The following ANKIB1 variants were observed in gnomAD, a reference collection of about 807,000 sequenced individuals.
ANKIB1 encodes the protein ankyrin repeat and IBR domain containing 1, also known as ankyrin repeat and IBR domain-containing protein 1.
In ANKIB1, 43 loss-of-function variants were observed where a neutral mutation model predicts 122.1. That is an observed-to-expected ratio of 0.35 (90% CI 0.28 to 0.45). ANKIB1 has a LOEUF of 0.45. ANKIB1 is among the 20% of genes least tolerant of loss of function. The probability of loss-of-function intolerance (pLI) is 1.00; values close to 1 mark genes in which losing one functional copy is unlikely to be tolerated. For synonymous variants in ANKIB1, 390 were observed against 442.0 expected, an observed-to-expected ratio of 0.88 and a Z score of 1.48; for missense variants, 992 against 1,329.5, an observed-to-expected ratio of 0.75 and a Z score of 3.95.
intron 1 of ANKIB1, among the ~76,000 whole-genome samples, chr7:92,254,108 A>G (rs1004428630): frequency 4.6e-5 from 7 of 152,156 alleles, no homozygotes; most frequent in African/African-American, 1.4e-4. Context: ...GCAAGCACCA[A>G]CCGGCAGATA....
chr7:92,327,666 A>T (rs1038391081), intron 4 of ANKIB1, 117 bp from the exon 5 acceptor site: 9 of 469,634 alleles, frequency 1.9e-5, no homozygotes, highest in Non-Finnish European at 3.3e-5. Context: ...CAGTTGATCC[A>T]ATCCGTGGAA....
In ANKIB1 at chr7:92,399,988, G is replaced by A. The variant is rs12740; in HGVS notation, c.*1039G>A. On this transcript the variant is annotated 3_prime_UTR_variant, in exon 20 of 20. Transcript: ENST00000265742. Reference sequence around the variant, plus strand: ...AATCCCACGATTATTAAGAAATTCAGTAAAACATCCTGCGCAACATGTTAC... The same window carrying A: ...AATCCCACGATTATTAAGAAATTCAATAAAACATCCTGCGCAACATGTTAC... 101,938 of 152,020 alleles carry A rather than the reference G, an allele frequency of 0.67. 34,375 individuals are homozygous for A. Among genetic ancestry groups the A allele is most frequent in the East Asian group, 0.82 (4,253 of 5,176 alleles). The allele number at this position is 152,020 out of a possible 1,614,324, so 9.4% of individuals were successfully genotyped here.
chr7:92,394,032 C>G (rs893548993), intron 17 of ANKIB1, among the ~76,000 whole-genome samples: 7 of 152,018 alleles, frequency 4.6e-5, no homozygotes, highest in African/African-American at 1.7e-4. Context: ...TTGTTTTATG[C>G]TACTTTAAAG....
At chr7:92,383,584 A>G (rs1804567696) in intron 11 of ANKIB1, among the ~76,000 whole-genome samples, 1 of 152,226 alleles carries the variant, frequency 6.6e-6, no homozygotes, top group Non-Finnish European at 1.5e-5. Context: ...GACTGGTTCA[A>G]CATACACAAA....
At chr7:92,368,833 TTATTCCC>T (rs1246690883) in intron 10 of ANKIB1, among the ~76,000 whole-genome samples, 2 of 152,226 alleles carry the variant, frequency 1.3e-5, no homozygotes, top group Non-Finnish European at 2.9e-5. Flanking sequence ...TAATAGTTGG[TTATTCCC>T]TGAACATGAT....
intron 1 of ANKIB1, among the ~76,000 whole-genome samples, chr7:92,268,192 A>G (rs1051279728): frequency 2.0e-5 from 3 of 152,192 alleles, no homozygotes; most frequent in Non-Finnish European, 2.9e-5. Context: ...TGAAAAACCT[A>G]TTCTTTCTCC....
At chr7:92,355,351 T>C (rs1376951296) in intron 9 of ANKIB1, among the ~76,000 whole-genome samples, 1 of 151,400 alleles carries the variant, frequency 6.6e-6, no homozygotes, top group Non-Finnish European at 1.5e-5. Flanking sequence ...AGACAACTCT[T>C]CACAGATTTG....
At chr7:92,270,354 C>T (rs1028788776) in intron 1 of ANKIB1, among the ~76,000 whole-genome samples, 1 of 152,122 alleles carries the variant, frequency 6.6e-6, no homozygotes, top group Non-Finnish European at 1.5e-5. Context: ...TGAGCCACTA[C>T]ACCTGGCCTC....
chr7:92,267,379 A>G (rs533568146), intron 1 of ANKIB1, among the ~76,000 whole-genome samples: 5 of 152,292 alleles, frequency 3.3e-5, no homozygotes, highest in African/African-American at 1.2e-4. Flanking sequence ...TCCCTCATCC[A>G]TCCAGTAAAA....
chr7:92,263,505 A>G (rs1801605509), intron 1 of ANKIB1, among the ~76,000 whole-genome samples: 1 of 152,198 alleles, frequency 6.6e-6, no homozygotes, highest in Admixed American at 6.5e-5. Flanking sequence ...GTTCTGAACC[A>G]TGTGAGTAGC....
In ANKIB1 at chr7:92,351,432, G is replaced by A. The variant is rs139063706; in HGVS notation, c.1230+338G>A. 2.7e-3 allele frequency among the ~76,000 whole-genome samples: 407 copies of A among 152,168 alleles called. 3 individuals are homozygous for A. The highest frequency in any genetic ancestry group is 9.4e-3 in the African/African-American group (392 of 41,538). On this transcript the variant is annotated intron_variant, in intron 8 of 19. Coordinates refer to ENST00000265742, the MANE Select transcript of ANKIB1 (RefSeq NM_019004.2). ...TCAAATTAGATTTTACCTACTTTAAGTTTTCCAAAAGACATTATCTTTCAT... is the reference window on the plus strand; with the variant it reads ...TCAAATTAGATTTTACCTACTTTAAATTTTCCAAAAGACATTATCTTTCAT...
At chr7:92,275,653 G>C (rs73407600) in intron 1 of ANKIB1, among the ~76,000 whole-genome samples, 2 of 152,112 alleles carry the variant, frequency 1.3e-5, no homozygotes, top group Non-Finnish European at 2.9e-5. Flanking sequence ...AGAACTGGGG[G>C]TGATGCACCA....
chr7:92,356,467 A>C (rs949665177), intron 9 of ANKIB1, among the ~76,000 whole-genome samples: 2 of 152,238 alleles, frequency 1.3e-5, no homozygotes, highest in South Asian at 4.1e-4. Flanking sequence ...TTGGCAGTTC[A>C]ATCATAAGAC....
At chr7:92,306,252 G>A (rs1252185429) in intron 2 of ANKIB1, among the ~76,000 whole-genome samples, 2 of 152,056 alleles carry the variant, frequency 1.3e-5, no homozygotes, top group African/African-American at 4.8e-5. Flanking sequence ...ACTACTCTAG[G>A]TGTTGGCAGC....
At chr7:92,389,338 T>C (rs1804734095) in intron 14 of ANKIB1, among the ~76,000 whole-genome samples, 3 of 151,910 alleles carry the variant, frequency 2.0e-5, no homozygotes, top group African/African-American at 7.3e-5. Flanking sequence ...TTTCTGGTTT[T>C]GTTTTTTTTT....
intron 4 of ANKIB1, among the ~76,000 whole-genome samples, chr7:92,325,751 A>G (rs1208855100): frequency 6.6e-6 from 1 of 152,136 alleles, no homozygotes; most frequent in African/African-American, 2.4e-5. Flanking sequence ...AGCCTTTCTG[A>G]AATAATTTTT....
intron 1 of ANKIB1, among the ~76,000 whole-genome samples, chr7:92,249,588 C>T (rs1288168331): frequency 6.6e-6 from 1 of 152,078 alleles, no homozygotes; most frequent in Non-Finnish European, 1.5e-5. Flanking sequence ...GGTGTGGTGG[C>T]ACGCCCCTGT....
chr7:92,342,925 G>T, intron 5 of ANKIB1, 99 bp from the exon 6 acceptor site: 3 of 1,110,416 alleles, frequency 2.7e-6, no homozygotes, highest in Admixed American at 2.0e-5. Context: ...TTCTTTAGAT[G>T]ACCAAAATTT....
intron 4 of ANKIB1, among the ~76,000 whole-genome samples, chr7:92,327,186 A>G (rs1326097740): frequency 1.3e-5 from 2 of 152,224 alleles, no homozygotes; most frequent in African/African-American, 4.8e-5. Context: ...TGGTCTTGCC[A>G]TTATACTATG....
Sources: gnomAD v4.1 joint callset for allele counts (sites outside exome capture counted in the v4.1 genomes callset) on GRCh38, gnomAD v4.1.1 for gene constraint, MANE v1.5 for transcripts, NCBI Gene and HGNC (gene_info 2026-07-23, HGNC 2026-07-21) for gene names.